The following NELL1 variants were observed in gnomAD, a reference collection of about 807,000 sequenced individuals.
NELL1 encodes the protein neural EGFL like 1.
Under a neutral mutation model 107.4 loss-of-function variants are expected in NELL1, and 76 were observed. The observed-to-expected ratio is 0.71, with a 90% CI of 0.59 to 0.86. NELL1 has a LOEUF of 0.86. NELL1 is among the 40% of genes least tolerant of loss of function. The probability of loss-of-function intolerance (pLI) is 0.00; values close to 1 mark genes in which losing one functional copy is unlikely to be tolerated. For synonymous variants in NELL1, 353 were observed against 341.2 expected (o/e 1.03, Z -0.38); for missense variants, 1,024 against 1,005.5 (o/e 1.02, Z -0.25).
intron 2 of NELL1, among the ~76,000 whole-genome samples, chr11:20,728,270 G>T (rs1855553605): frequency 6.6e-6 from 1 of 152,066 alleles, no homozygotes; most frequent in East Asian, 1.9e-4. Context: ...TGTTTACTCT[G>T]TTGATAGTTT....
intron 15 of NELL1, among the ~76,000 whole-genome samples, chr11:21,409,368 G>T (rs575486720): frequency 1.4e-4 from 21 of 152,022 alleles, no homozygotes; most frequent in African/African-American, 4.1e-4. Context: ...ACTCATAGGT[G>T]GGAATTGAAC....
At chr11:21,321,102 C>T (rs1462823553) in intron 14 of NELL1, among the ~76,000 whole-genome samples, 1 of 152,190 alleles carries the variant, frequency 6.6e-6, no homozygotes, top group South Asian at 2.1e-4. Flanking sequence ...CCATTGTCTT[C>T]CATCACAGGA....
chr11:21,011,361 A>G (rs1852442287), intron 12 of NELL1, among the ~76,000 whole-genome samples: 1 of 152,152 alleles, frequency 6.6e-6, no homozygotes, highest in Non-Finnish European at 1.5e-5. Flanking sequence ...ATTAGTGATC[A>G]ACACCTATGA....
intron 13 of NELL1, among the ~76,000 whole-genome samples, chr11:21,131,502 G>C (rs2133757798): frequency 6.6e-6 from 1 of 152,182 alleles, no homozygotes; most frequent in South Asian, 2.1e-4. Flanking sequence ...GGAGATTTTT[G>C]GATTATAAAT....
chr11:20,940,945 T>A (rs189517169), intron 10 of NELL1, among the ~76,000 whole-genome samples: 80 of 152,092 alleles, frequency 5.3e-4, no homozygotes, highest in Middle Eastern at 3.4e-3. Context: ...TCAAGACCAG[T>A]CTGGACAACA....
At chr11:21,121,326 G>A (rs1855362874) in intron 13 of NELL1, among the ~76,000 whole-genome samples, 1 of 152,160 alleles carries the variant, frequency 6.6e-6, no homozygotes, top group African/African-American at 2.4e-5. Flanking sequence ...GATGGTTCCT[G>A]GAGGAGGGGT....
intron 12 of NELL1, among the ~76,000 whole-genome samples, chr11:21,050,641 A>T (rs536671183): frequency 5.1e-4 from 77 of 152,282 alleles, no homozygotes; most frequent in African/African-American, 1.8e-3. Flanking sequence ...AAGATAAATG[A>T]TTTTTAAAAA....
At chr11:21,401,705 G>A (rs575503759) in intron 15 of NELL1, among the ~76,000 whole-genome samples, 1 of 151,634 alleles carries the variant, frequency 6.6e-6, no homozygotes, top group Non-Finnish European at 1.5e-5. Context: ...CTATTCATAG[G>A]ATAAGAAAGC....
chr11:20,706,767 C>T (rs191189570), intron 2 of NELL1, among the ~76,000 whole-genome samples: 1 of 152,254 alleles, frequency 6.6e-6, no homozygotes, highest in Admixed American at 6.5e-5. Context: ...TGATGGGCTT[C>T]CCTTTGTGGG....
chr11:20,860,907 C>A (rs1008305407), intron 4 of NELL1, among the ~76,000 whole-genome samples: 6 of 152,162 alleles, frequency 3.9e-5, no homozygotes, highest in African/African-American at 1.4e-4. Flanking sequence ...TGCTGGAGAA[C>A]AAACAGAGTT....
chr11:21,327,015 T>A (rs1850158612), intron 14 of NELL1, among the ~76,000 whole-genome samples: 1 of 152,088 alleles, frequency 6.6e-6, no homozygotes, highest in Non-Finnish European at 1.5e-5. Flanking sequence ...TGATATGGTT[T>A]GGCTGTGTCC....
At chr11:21,551,592 A>G (rs1407777894) in intron 16 of NELL1, among the ~76,000 whole-genome samples, 1 of 151,590 alleles carries the variant, frequency 6.6e-6, no homozygotes, top group Non-Finnish European at 1.5e-5. Context: ...ATGAGATACC[A>G]TCTCACACCA....
intron 8 of NELL1, 146 bp from the exon 9 acceptor site, chr11:20,928,231 C>A: frequency 1.3e-6 from 1 of 762,988 alleles, no homozygotes; most frequent in Non-Finnish European, 2.3e-6. Context: ...GAAAACACTT[C>A]ATCTGTGGTC....
chr11:21,044,075 A>G (rs1271492324), intron 12 of NELL1, among the ~76,000 whole-genome samples: 1 of 152,194 alleles, frequency 6.6e-6, no homozygotes, highest in Non-Finnish European at 1.5e-5. Flanking sequence ...AGATTGGCAG[A>G]GAGAATGATA....
intron 14 of NELL1, among the ~76,000 whole-genome samples, chr11:21,263,228 A>T (rs1338804375): frequency 6.6e-6 from 1 of 151,766 alleles, no homozygotes; most frequent in African/African-American, 2.4e-5. Context: ...TTTGTCTTTT[A>T]TGTTAGAAGC....
intron 13 of NELL1, among the ~76,000 whole-genome samples, chr11:21,203,464 G>A (rs538355262): frequency 1.3e-4 from 17 of 134,512 alleles, no homozygotes; most frequent in South Asian, 2.3e-4. Flanking sequence ...TTCAATTTGC[G>A]TGGTAAATAT....
intron 13 of NELL1, among the ~76,000 whole-genome samples, chr11:21,121,412 G>A (rs939019108): frequency 1.3e-5 from 2 of 152,056 alleles, no homozygotes; most frequent in African/African-American, 4.8e-5. Flanking sequence ...CTATAGATGG[G>A]GCCTCATGGG....
At chr11:21,323,377 CAG>C (rs1555002820) in intron 14 of NELL1, among the ~76,000 whole-genome samples, 1 of 152,056 alleles carries the variant, frequency 6.6e-6, no homozygotes, top group Non-Finnish European at 1.5e-5. Context: ...ATAATAAGGA[CAG>C]GGGAGAAGAA....
intron 12 of NELL1, among the ~76,000 whole-genome samples, chr11:21,005,208 G>T (rs1852304044): frequency 6.6e-6 from 1 of 152,098 alleles, no homozygotes; most frequent in Admixed American, 6.5e-5. Flanking sequence ...CCACAATATG[G>T]TTTAAAGTGA....
Sources: gnomAD v4.1 joint callset for allele counts (sites outside exome capture counted in the v4.1 genomes callset) on GRCh38, gnomAD v4.1.1 for gene constraint, MANE v1.5 for transcripts, NCBI Gene and HGNC (gene_info 2026-07-23, HGNC 2026-07-21) for gene names.